The following PIP5K1B variants were observed in gnomAD, a reference collection of about 807,000 sequenced individuals.
The protein encoded by PIP5K1B is phosphatidylinositol 4-phosphate 5-kinase type-1 beta.
In PIP5K1B, 42 loss-of-function variants were observed where a neutral mutation model predicts 67.0. The ratio of observed to expected loss-of-function variants is 0.63; its 90% confidence interval spans 0.49 to 0.81. PIP5K1B has a LOEUF of 0.81. Among genes scored for constraint, PIP5K1B ranks in the 30% least tolerant of loss-of-function variants. The pLI, the probability that PIP5K1B is intolerant of heterozygous loss-of-function variation, is 0.00. For missense variants in PIP5K1B, 459 were observed against 646.3 expected (o/e 0.71, Z 3.14); for synonymous variants, 214 against 231.4 (o/e 0.92, Z 0.68).
chr9:68,969,894 G>A lies in PIP5K1B; in HGVS notation c.1503-21246G>A, dbSNP rs527586745. ...TGTGACTTTAGAAAATCCGTAAAAGGGTCTTAATGGCTGTTCAAGTGAGTA... is the reference window on the plus strand; with the variant it reads ...TGTGACTTTAGAAAATCCGTAAAAGAGTCTTAATGGCTGTTCAAGTGAGTA... On this transcript the variant is annotated intron_variant, in intron 14 of 15. Coordinates refer to ENST00000265382, the MANE Select transcript of PIP5K1B (RefSeq NM_003558.4). Among the ~76,000 whole-genome samples the A allele has an allele frequency of 7.6e-4, 115 of 152,178 alleles. 1 individual carries two copies. The highest frequency in any genetic ancestry group is 6.8e-4 in the Non-Finnish European group (46 of 68,022).
At chr9:68,965,075 C>G (rs1241530441) in intron 14 of PIP5K1B, among the ~76,000 whole-genome samples, 2 of 152,182 alleles carry the variant, frequency 1.3e-5, no homozygotes, top group Non-Finnish European at 2.9e-5. Flanking sequence ...GGACAGGTAA[C>G]CTAGCATAGA....
At chr9:68,865,148 T>C (rs969001699) in intron 5 of PIP5K1B, among the ~76,000 whole-genome samples, 7 of 152,170 alleles carry the variant, frequency 4.6e-5, no homozygotes, top group African/African-American at 1.7e-4. Context: ...TGAAGTCTGC[T>C]TGTCTAGGGT....
chr9:68,721,598 A>G (rs1369908229), intron 1 of PIP5K1B, among the ~76,000 whole-genome samples: 1 of 152,180 alleles, frequency 6.6e-6, no homozygotes, highest in Non-Finnish European at 1.5e-5. Context: ...CTATCCAGGT[A>G]GGATGTGGCT....
Position 68,893,579 on chromosome 9 carries a change from G to A in PIP5K1B, c.472-760G>A, listed in dbSNP as rs151208931. 2.3e-3 allele frequency among the ~76,000 whole-genome samples: 345 copies of A among 152,002 alleles called. 2 individuals are homozygous for A. Among genetic ancestry groups the A allele is most frequent in the African/African-American group, 8.0e-3 (332 of 41,504 alleles). On this transcript the variant is annotated intron_variant, in intron 7 of 15. Coordinates refer to ENST00000265382, the MANE Select transcript of PIP5K1B (RefSeq NM_003558.4). ...GAACTCCTGACCTCGTGATCCACCC[G>A]CCTTGGCCTCCCAAAGTGCTGGGAT...
At chr9:68,813,848 T>A (rs560711218) in intron 2 of PIP5K1B, among the ~76,000 whole-genome samples, 1 of 152,018 alleles carries the variant, frequency 6.6e-6, no homozygotes, top group South Asian at 2.1e-4. Flanking sequence ...TTCAATCGAG[T>A]CTCAGAGGGA....
At chr9:68,798,383 A>T (rs959419433) in intron 2 of PIP5K1B, among the ~76,000 whole-genome samples, 1 of 152,238 alleles carries the variant, frequency 6.6e-6, no homozygotes, top group Non-Finnish European at 1.5e-5. Flanking sequence ...TGCTGGCTTC[A>T]TGGAGTTTAC....
chr9:69,000,427 C>T (rs940682677), intron 15 of PIP5K1B, among the ~76,000 whole-genome samples: 1 of 152,112 alleles, frequency 6.6e-6, no homozygotes, highest in Non-Finnish European at 1.5e-5. Context: ...TCTAGGGCTG[C>T]TGTAACAAAG....
At chr9:68,732,556 T>A (rs1448279656) in intron 1 of PIP5K1B, among the ~76,000 whole-genome samples, 2 of 152,212 alleles carry the variant, frequency 1.3e-5, no homozygotes, top group Non-Finnish European at 2.9e-5. Flanking sequence ...TTTGACCACC[T>A]ACTGTTTGTG....
intron 5 of PIP5K1B, 29 bp downstream of exon 5, chr9:68,863,996 C>A: frequency 6.2e-7 from 1 of 1,609,286 alleles, no homozygotes; most frequent in East Asian, 2.2e-5. Flanking sequence ...GTGATGATTT[C>A]CATGCTAAGG....
chr9:68,739,395 G>A (rs910642584), intron 1 of PIP5K1B, among the ~76,000 whole-genome samples: 1 of 152,142 alleles, frequency 6.6e-6, no homozygotes, highest in Non-Finnish European at 1.5e-5. Context: ...CAGAGTTGGA[G>A]ATCTTTGACT....
intron 14 of PIP5K1B, among the ~76,000 whole-genome samples, chr9:68,954,967 GAAAAT>G (rs770017554): frequency 2.0e-5 from 3 of 152,184 alleles, no homozygotes; most frequent in Non-Finnish European, 2.9e-5. Flanking sequence ...GGAAAAGATG[GAAAAT>G]CATTGCCCTT....
chr9:68,973,286 A>T (rs1360032504), intron 14 of PIP5K1B, among the ~76,000 whole-genome samples: 1 of 152,234 alleles, frequency 6.6e-6, no homozygotes, highest in Non-Finnish European at 1.5e-5. Context: ...TAACAAGAAA[A>T]AAAAATCTAA....
intron 7 of PIP5K1B, among the ~76,000 whole-genome samples, chr9:68,891,050 C>A (rs575070858): frequency 6.6e-6 from 1 of 152,228 alleles, no homozygotes; most frequent in Admixed American, 6.5e-5. Context: ...GTGTTCAAGT[C>A]CAGCCTGGGC....
intron 8 of PIP5K1B, among the ~76,000 whole-genome samples, chr9:68,914,491 A>G (rs1825997730): frequency 6.6e-6 from 1 of 152,148 alleles, no homozygotes; most frequent in East Asian, 1.9e-4. Flanking sequence ...TGAGGCGGGC[A>G]GATCACGAGG....
chr9:68,988,952 G>A (rs1830230740), intron 14 of PIP5K1B, among the ~76,000 whole-genome samples: 1 of 151,716 alleles, frequency 6.6e-6, no homozygotes, highest in African/African-American at 2.4e-5. Flanking sequence ...AAAATTAGCG[G>A]GACGTGGTGG....
intron 8 of PIP5K1B, among the ~76,000 whole-genome samples, chr9:68,902,504 A>C (rs1464600501): frequency 6.6e-6 from 1 of 152,208 alleles, no homozygotes; most frequent in African/African-American, 2.4e-5. Context: ...AGTTTATAAC[A>C]TTCACCCGCT....
intron 14 of PIP5K1B, among the ~76,000 whole-genome samples, chr9:68,947,039 A>G (rs1409002025): frequency 6.6e-6 from 1 of 152,254 alleles, no homozygotes; most frequent in Non-Finnish European, 1.5e-5. Flanking sequence ...GATTTGAGAC[A>G]CTAATACCTT....
intron 14 of PIP5K1B, chr9:68,963,466 G>A (rs1828856670): frequency 4.3e-6 from 1 of 231,612 alleles, no homozygotes; most frequent in Non-Finnish European, 8.8e-6. Flanking sequence ...TTATGCCATT[G>A]CACTCCATCC....
chr9:68,994,109 C>T (rs1024238018), intron 15 of PIP5K1B, among the ~76,000 whole-genome samples: 2 of 136,384 alleles, frequency 1.5e-5, no homozygotes, highest in South Asian at 2.3e-4. Context: ...GGCGCGATCT[C>T]GACTCACTGC....
Sources: allele counts gnomAD v4.1 joint callset (sites outside exome capture counted in the v4.1 genomes callset), GRCh38; gene constraint gnomAD v4.1.1; transcripts MANE v1.5; gene names NCBI Gene and HGNC (gene_info 2026-07-23, HGNC 2026-07-21).